Variants in MON1A observed in about 807,000 individuals in gnomAD.
The protein encoded by MON1A is vacuolar fusion protein MON1 homolog A.
In MON1A, 29 loss-of-function variants were observed where a neutral mutation model predicts 44.6. The ratio of observed to expected loss-of-function variants is 0.65; its 90% CI spans 0.48 to 0.89. The LOEUF (loss-of-function observed/expected upper bound fraction) is 0.89. Among genes scored for constraint, MON1A ranks in the 40% least tolerant of loss-of-function variants. MON1A has a pLI of 0.00. For synonymous variants in MON1A, 275 were observed against 316.4 expected (o/e 0.87, Z 1.39); for missense variants, 615 against 759.6 (o/e 0.81, Z 2.24).
intron 1 of MON1A, chr3:49,916,080 C>T (rs1486991974): frequency 6.6e-6 from 1 of 152,258 alleles, no homozygotes; most frequent in African/African-American, 2.4e-5. Flanking sequence ...CCAGGAGGCA[C>T]TGGTGTTAGT....
chr3:49,916,428 TG>T (rs1253611366), intron 1 of MON1A: 1 of 152,300 alleles, frequency 6.6e-6, no homozygotes, highest in East Asian at 1.9e-4. Flanking sequence ...TTTCTTTAAT[TG>T]AATCTTTTGC....
intron 1 of MON1A, among the ~76,000 whole-genome samples, chr3:49,914,195 A>T (rs989400859): frequency 6.7e-6 from 1 of 149,824 alleles, no homozygotes; most frequent in Non-Finnish European, 1.5e-5. Context: ...GGTTCAAGAG[A>T]TTCTCCTGCC....
At chr3:49,914,784 G>C (rs989037477) in intron 1 of MON1A, among the ~76,000 whole-genome samples, 4 of 150,512 alleles carry the variant, frequency 2.7e-5, no homozygotes, top group Admixed American at 1.3e-4. Flanking sequence ...CTGACCTTGT[G>C]ATCCGCCTGC....
At position 49,909,211 on chromosome 3, in the gene MON1A, T is replaced by C. The variant is rs749583273; in HGVS notation, c.1527+42A>G. On this transcript the variant is annotated intron_variant, in intron 5 of 5. Coordinates refer to ENST00000296473, the MANE Select transcript of MON1A (RefSeq NM_032355.4). This position sits in a 1 kb window ranked among gnomAD's most constrained non-coding sequence, Gnocchi z 4.0. ...TTAGAGGCCCCTCATGGCCCATACC[T>C]AGGACCTCCATAAAGCCCAGCCCAT... The C allele has an allele frequency of 2.5e-6, 4 of 1,613,340 alleles. No homozygotes were observed. The East Asian group carries it at 8.9e-5, about 36-fold the overall frequency.
intron 1 of MON1A, among the ~76,000 whole-genome samples, chr3:49,920,101 A>C (rs2108536585): frequency 6.6e-6 from 1 of 152,304 alleles, no homozygotes; most frequent in Non-Finnish European, 1.5e-5. Context: ...ATTCTCTCTA[A>C]ACCAGTTCTG....
At chr3:49,913,661 T>C (rs2108532694) in intron 1 of MON1A, among the ~76,000 whole-genome samples, 1 of 71,550 alleles carries the variant, frequency 1.4e-5, no homozygotes, top group East Asian at 2.2e-4. Context: ...CCTTCTAGTA[T>C]TTTTTTTTTT....
Position 49,911,212 on chromosome 3 carries a change from A to AGAT in MON1A, c.613+311_613+313dup, listed in dbSNP as rs2082877092. Among the ~76,000 whole-genome samples the AGAT allele has an allele frequency of 7.1e-6, 1 of 140,530 alleles. No homozygotes were observed. Among genetic ancestry groups the AGAT allele is most frequent in the African/African-American group, 2.8e-5 (1 of 36,122 alleles). 92.2% of individuals were successfully genotyped at this position (140,530 alleles called of 152,430 possible). The stretch of plus-strand genomic sequence containing the variant: ...AGATTAGATAGATAGATAGATAGAT[A>AGAT]GATAGATAGATAGATAGATAGATAG... On this transcript the variant is annotated intron_variant, in intron 3 of 5. Coordinates refer to ENST00000296473, the MANE Select transcript of MON1A (RefSeq NM_032355.4). This position sits in a 1 kb window ranked among gnomAD's most constrained non-coding sequence, Gnocchi z 5.7.
chr3:49,921,638 CT>C (rs34960189), intron 1 of MON1A, among the ~76,000 whole-genome samples: 60,183 of 129,706 alleles, frequency 0.46, 14,425 homozygotes, highest in African/African-American at 0.53. Context: ...CGTGGTAGCA[CT>C]TTTTTTTTTT....
chr3:49,926,089 A>C (rs1198009997), intron 1 of MON1A, among the ~76,000 whole-genome samples: 1 of 152,176 alleles, frequency 6.6e-6, no homozygotes, highest in East Asian at 1.9e-4. Flanking sequence ...ACAGTGGTGC[A>C]CAAGGCCCCA....
intron 2 of MON1A, chr3:49,912,641 G>C (rs1214695505): frequency 5.1e-6 from 1 of 195,558 alleles, no homozygotes; most frequent in Non-Finnish European, 1.1e-5. Flanking sequence ...ACCCTACTCA[G>C]GCCATAGCTC....
chr3:49,929,578 T>C, intron 1 of MON1A, 31 bp downstream of exon 1: 1 of 1,551,088 alleles, frequency 6.4e-7, no homozygotes, highest in Non-Finnish European at 8.7e-7. Flanking sequence ...TCTAGGTGCC[T>C]CCAGGCCACG....
chr3:49,911,255 TTG>T lies in MON1A; in HGVS notation c.613+269_613+270del, dbSNP rs2082883197. Among the ~76,000 whole-genome samples the T allele has an allele frequency of 1.0e-5, 1 of 97,940 alleles. No homozygotes were observed. Among genetic ancestry groups the T allele is most frequent in the Non-Finnish European group, 2.2e-5 (1 of 44,612 alleles). 64.3% of individuals were successfully genotyped at this position (97,940 alleles called of 152,430 possible). On this transcript the variant is annotated intron_variant, in intron 3 of 5. Coordinates refer to ENST00000296473, the MANE Select transcript of MON1A (RefSeq NM_032355.4). The surrounding 1 kb of genome is among the most constrained non-coding windows in gnomAD (Gnocchi z 5.7). ...ATAGATAGATAGATAGAGTTTGTTG[TTG>T]TTGTTGTTGTTGCCTCCCCAGGGGG...
chr3:49,914,334 C>T (rs1003390921), intron 1 of MON1A, among the ~76,000 whole-genome samples: 13 of 151,576 alleles, frequency 8.6e-5, no homozygotes, highest in South Asian at 2.1e-4. Context: ...CCGCCTGCCT[C>T]GGCCTCCCAA....
chr3:49,914,418 G>C (rs2082925047), intron 1 of MON1A, among the ~76,000 whole-genome samples: 1 of 151,836 alleles, frequency 6.6e-6, no homozygotes, highest in Admixed American at 6.6e-5. Context: ...CTCTTGCCCA[G>C]GCTGGAGAGC....
chr3:49,919,799 T>G (rs2082980712), intron 1 of MON1A, among the ~76,000 whole-genome samples: 1 of 152,152 alleles, frequency 6.6e-6, no homozygotes, highest in Non-Finnish European at 1.5e-5. Context: ...ACCTATTTTT[T>G]GCTCACATAA....
At position 49,910,705 on chromosome 3, in the gene MON1A, G is replaced by T. The variant is rs1395428300; in HGVS notation, c.793C>A (p.Arg265=). 6.2e-7 allele frequency: 1 copy of T among 1,613,074 alleles called. No individual in the cohort carries two copies. Among genetic ancestry groups the T allele is most frequent in the Non-Finnish European group, 8.5e-7 (1 of 1,179,520 alleles). ...CGCTCTGAGCCCGAGAGTAGGCGCC[G>T]CAAATCATAGTTCTGCTTCTGCTGG... ...IFQQKQNYDL[R]RLLSGSERIT... is the part of the protein sequence containing the mutation. Residue 265 remains arginine (R), a synonymous_variant, in exon 4 of 6, where the codon CGG becomes AGG. Transcript: ENST00000296473. This position sits in a 1 kb window ranked among gnomAD's most constrained non-coding sequence, Gnocchi z 8.0.
At chr3:49,925,408 C>T (rs538370764) in intron 1 of MON1A, among the ~76,000 whole-genome samples, 2 of 152,330 alleles carry the variant, frequency 1.3e-5, no homozygotes, top group African/African-American at 4.8e-5. Context: ...AGCCACCACA[C>T]CTGGCCCAGT....
Position 49,929,643 on chromosome 3 carries a change from T to C in MON1A, c.-48A>G. ...AGAGGAGTCCAGGACGCACAGAAGGTGCCGGTCACTGCCCTCTGCCGGACC... is the reference window on the plus strand; with the variant it reads ...AGAGGAGTCCAGGACGCACAGAAGGCGCCGGTCACTGCCCTCTGCCGGACC... On this transcript the variant is annotated 5_prime_UTR_variant, in exon 1 of 6. Transcript: ENST00000296473. 1 of 1,551,448 alleles carries C rather than the reference T, an allele frequency of 6.4e-7. No individual in the cohort carries two copies. The highest frequency in any genetic ancestry group is 1.7e-4 in the Middle Eastern group (1 of 5,986).
chr3:49,922,303 A>G lies in MON1A; in HGVS notation c.-14+7306T>C, dbSNP rs1455687921. 4.8e-4 allele frequency among the ~76,000 whole-genome samples: 73 copies of G among 151,762 alleles called. 1 individual carries two copies. Among genetic ancestry groups the G allele is most frequent in the Non-Finnish European group, 7.4e-5 (5 of 67,956 alleles). On this transcript the variant is annotated intron_variant, in intron 1 of 5. Transcript: ENST00000296473. Reference sequence around the variant, plus strand: ...TCTATTAAAAATAAAAAAATTAGCCAGGTGTGGTGGCATATGCCTGTAATC... The same window carrying G: ...TCTATTAAAAATAAAAAAATTAGCCGGGTGTGGTGGCATATGCCTGTAATC...
Sources: gnomAD v4.1 joint callset for allele counts (sites outside exome capture counted in the v4.1 genomes callset) on GRCh38, gnomAD v4.1.1 for gene constraint, Gnocchi (gnomAD v3.1) non-coding constraint, MANE v1.5 for transcripts, NCBI Gene and HGNC (gene_info 2026-07-23, HGNC 2026-07-21) for gene names.